The following AFF2 variants were observed in gnomAD, a reference collection of about 807,000 sequenced individuals.
AFF2 encodes the protein ALF transcription elongation factor 2.
In AFF2, 14 loss-of-function variants were observed where a neutral mutation model predicts 76.9. The ratio of observed to expected loss-of-function variants is 0.18; its 90% CI spans 0.12 to 0.28. AFF2 has a LOEUF of 0.28. AFF2 is among the 10% of genes least tolerant of loss of function. AFF2 has a pLI of 1.00. For missense variants in AFF2, 868 were observed against 1,001.1 expected, an observed-to-expected ratio of 0.87 and a Z score of 1.79; for synonymous variants, 398 against 366.7, an observed-to-expected ratio of 1.09 and a Z score of -0.98.
In AFF2 at chrX:148,975,943, C is replaced by CAAAAAAAAAAAAAAA. The variant is rs59057839; in HGVS notation, c.3405-1983_3405-1969dup. Among the ~76,000 whole-genome samples, 189 of 22,641 alleles carry CAAAAAAAAAAAAAAA rather than the reference C, an allele frequency of 8.3e-3. 11 individuals are homozygous for CAAAAAAAAAAAAAAA. Among genetic ancestry groups the CAAAAAAAAAAAAAAA allele is most frequent in the East Asian group, 0.06 (11 of 184 alleles). 19.7% of individuals were successfully genotyped at this position (22,641 alleles called of 115,157 possible). A position where few individuals can be genotyped will look rare whatever the true frequency, so the allele number is the denominator to read the frequency against. ...TGGGCGACAGAGCGAGACTCCGTCT[C>CAAAAAAAAAAAAAAA]AAAAAAAAAAAAAAAAAAAAATATG... On this transcript the variant is annotated intron_variant, in intron 16 of 20. Transcript: ENST00000370460.
chrX:148,544,263 T>C (rs1447340080), intron 1 of AFF2, among the ~76,000 whole-genome samples: 3 of 112,748 alleles, frequency 2.7e-5, no homozygotes, highest in African/African-American at 9.7e-5. Flanking sequence ...CTTTCCAAGT[T>C]GAAATAATTT....
intron 1 of AFF2, among the ~76,000 whole-genome samples, chrX:148,544,097 C>T (rs1429063598): frequency 8.9e-6 from 1 of 112,052 alleles, no homozygotes; most frequent in Non-Finnish European, 1.9e-5. Flanking sequence ...AGTGAATGGT[C>T]ACTAAGCGGG....
intron 3 of AFF2, among the ~76,000 whole-genome samples, chrX:148,722,251 A>T (rs187799848): frequency 7.2e-5 from 8 of 111,413 alleles, no homozygotes; most frequent in Admixed American, 1.9e-4. Context: ...AAAACCCACA[A>T]GATTTTGTTC....
chrX:148,632,363 T>C (rs1569552384), intron 1 of AFF2, among the ~76,000 whole-genome samples: 1 of 111,495 alleles, frequency 9.0e-6, no homozygotes, highest in Non-Finnish European at 1.9e-5. Flanking sequence ...AGGCAACAGA[T>C]TGGGTGTGTA....
At chrX:148,651,451 T>G (rs1465835287) in intron 1 of AFF2, among the ~76,000 whole-genome samples, 5 of 112,007 alleles carry the variant, frequency 4.5e-5, no homozygotes, top group South Asian at 3.7e-4. Context: ...CAAAGAAGTG[T>G]AGGTGATTTG....
chrX:148,508,287 A>G (rs2052445990), intron 1 of AFF2, among the ~76,000 whole-genome samples: 1 of 112,362 alleles, frequency 8.9e-6, no homozygotes, highest in South Asian at 3.6e-4. Flanking sequence ...GGTGACCTTT[A>G]TTAAACCATT....
intron 12 of AFF2, 113 bp downstream of exon 12, chrX:148,958,571 C>G (rs1306121504): frequency 1.0e-5 from 10 of 1,003,742 alleles, no homozygotes; most frequent in Non-Finnish European, 1.3e-5. Context: ...AGGTAAAAAA[C>G]AGGAGTCTCT....
At chrX:148,980,030 A>T (rs1231742988) in intron 18 of AFF2, among the ~76,000 whole-genome samples, 2 of 111,858 alleles carry the variant, frequency 1.8e-5, no homozygotes, top group Non-Finnish European at 3.8e-5. Context: ...CTAGGCCATT[A>T]CAATGAGCCT....
intron 1 of AFF2, among the ~76,000 whole-genome samples, chrX:148,514,955 T>G (rs1461038113): frequency 8.9e-6 from 1 of 112,092 alleles, no homozygotes; most frequent in Non-Finnish European, 1.9e-5. Flanking sequence ...TTTTGAAAGG[T>G]GAGAAACACA....
At chrX:148,878,968 A>G (rs1194624438) in intron 7 of AFF2, among the ~76,000 whole-genome samples, 1 of 112,407 alleles carries the variant, frequency 8.9e-6, no homozygotes, top group African/African-American at 3.2e-5. Flanking sequence ...AAATAGTGAC[A>G]GTAGAGCAGA....
chrX:148,652,956 G>C (rs2054216796), intron 2 of AFF2, among the ~76,000 whole-genome samples: 1 of 111,989 alleles, frequency 8.9e-6, no homozygotes, highest in Non-Finnish European at 1.9e-5. Context: ...AAATTTTCAA[G>C]AGCTGTGATT....
chrX:148,524,117 CTCTCTCTGTG>C (rs1464540310), intron 1 of AFF2, among the ~76,000 whole-genome samples: 32 of 78,297 alleles, frequency 4.1e-4, no homozygotes, highest in African/African-American at 1.4e-3. Context: ...CTCTCTCTCT[CTCTCTCTGTG>C]TGTGTGTGTG....
intron 1 of AFF2, among the ~76,000 whole-genome samples, chrX:148,531,095 T>C (rs868975040): frequency 8.9e-6 from 1 of 111,751 alleles, no homozygotes; most frequent in Non-Finnish European, 1.9e-5. Context: ...ATCAGAAAAA[T>C]GAAAGCAAAA....
At chrX:148,558,086 C>A (rs908120716) in intron 1 of AFF2, among the ~76,000 whole-genome samples, 5 of 112,074 alleles carry the variant, frequency 4.5e-5, no homozygotes, top group African/African-American at 1.3e-4. Context: ...TGCTTCCCAG[C>A]ATTCTAGCTG....
intron 1 of AFF2, among the ~76,000 whole-genome samples, chrX:148,590,009 A>G (rs1408553651): frequency 9.8e-6 from 1 of 102,038 alleles, no homozygotes; most frequent in African/African-American, 3.6e-5. Context: ...ATGGATTGGG[A>G]ACTGAGAGCG....
At chrX:148,867,006 G>T (rs2124078022) in intron 7 of AFF2, among the ~76,000 whole-genome samples, 1 of 112,153 alleles carries the variant, frequency 8.9e-6, no homozygotes, top group South Asian at 3.7e-4. Flanking sequence ...TCATGTGTGG[G>T]AATGGGGCAG....
At chrX:148,901,139 T>C (rs1195691266) in intron 8 of AFF2, among the ~76,000 whole-genome samples, 2 of 111,865 alleles carry the variant, frequency 1.8e-5, no homozygotes, top group Admixed American at 9.4e-5. Flanking sequence ...AAACTGATGC[T>C]CAAAGGTGTT....
chrX:148,975,396 G>A lies in AFF2; in HGVS notation c.3404+1789G>A, dbSNP rs371944756. Among the ~76,000 whole-genome samples, 9 of 112,114 alleles carry A rather than the reference G, an allele frequency of 8.0e-5. No individual in the cohort carries two copies. In the East Asian group the frequency reaches 8.4e-4, roughly 10 times the overall value. ...GACACTCAACAGAATACTTTGCAGC[G>A]ATTGAAATACAACAATGACAGAGAC... On this transcript the variant is annotated intron_variant, in intron 16 of 20. Coordinates refer to ENST00000370460, the MANE Select transcript of AFF2 (RefSeq NM_002025.4).
At chrX:148,787,384 G>A (rs1232510925) in intron 3 of AFF2, among the ~76,000 whole-genome samples, 3 of 111,518 alleles carry the variant, frequency 2.7e-5, no homozygotes, top group Admixed American at 9.6e-5. Context: ...CTTTTTAGGT[G>A]TGATATTTAA....
Sources: gnomAD v4.1 joint callset for allele counts (sites outside exome capture counted in the v4.1 genomes callset) on GRCh38, gnomAD v4.1.1 for gene constraint, MANE v1.5 for transcripts, NCBI Gene and HGNC (gene_info 2026-07-23, HGNC 2026-07-21) for gene names.